CACNA1C: variants seen among roughly 807,000 people sequenced by gnomAD.
CACNA1C encodes the protein calcium voltage-gated channel subunit alpha1 C.
A neutral mutation model predicts 229.0 loss-of-function variants in CACNA1C; 30 were observed. That is an observed-to-expected ratio of 0.13 (90% CI 0.10 to 0.18). CACNA1C has a LOEUF of 0.18. CACNA1C is among the 10% of genes least tolerant of loss of function. The probability of loss-of-function intolerance (pLI) is 1.00; values close to 1 mark genes in which losing one functional copy is unlikely to be tolerated. For missense variants in CACNA1C, 1,658 were observed against 2,845.0 expected (o/e 0.58, Z 9.49); for synonymous variants, 1,114 against 1,132.5 (o/e 0.98, Z 0.33).
chr12:2,277,362 GACACACACACACACACACACAC>G (rs59258094), intron 3 of CACNA1C, among the ~76,000 whole-genome samples: 125 of 72,220 alleles, frequency 1.7e-3, no homozygotes, highest in South Asian at 4.1e-3. Flanking sequence ...CAGACAGACA[GACACACACACACACACACACAC>G]ACACACACAC....
chr12:2,309,526 T>G (rs1028812916), intron 3 of CACNA1C, among the ~76,000 whole-genome samples: 28 of 152,124 alleles, frequency 1.8e-4, no homozygotes, highest in African/African-American at 6.8e-4. Context: ...GAGGGAACTG[T>G]GTTATTCAGC....
chr12:2,424,931 C>T (rs138643767), intron 3 of CACNA1C, among the ~76,000 whole-genome samples: 2 of 152,342 alleles, frequency 1.3e-5, no homozygotes, highest in Non-Finnish European at 2.9e-5. Context: ...CCAACAGTAG[C>T]TCCTCTGCAC....
rs377431864 is a variant in CACNA1C, at chr12:2,566,437, G to A, written c.1524G>A (p.Arg508=). The change falls in exon 12 of 47, where the codon CGG becomes CGA. Residue 508 remains arginine (R), a synonymous_variant. Transcript: ENST00000399655. This position sits in a 1 kb window ranked among gnomAD's most constrained non-coding sequence, Gnocchi z 4.0. Reference sequence around the variant, plus strand: ...CCCTTTCCAGCCGCTACTGGCGCCGGTGGAATCGGTTCTGCAGAAGGAAGT... The same window carrying A: ...CCCTTTCCAGCCGCTACTGGCGCCGATGGAATCGGTTCTGCAGAAGGAAGT... ...SKSKFSRYWR[R]WNRFCRRKCR... 4.1e-5 allele frequency: 65 copies of A among 1,594,784 alleles called. No individual in the cohort carries two copies. Among genetic ancestry groups the A allele is most frequent in the East Asian group, 2.3e-4 (10 of 43,972 alleles).
intron 29 of CACNA1C, among the ~76,000 whole-genome samples, chr12:2,624,299 C>T (rs928420634): frequency 1.3e-4 from 20 of 152,152 alleles, no homozygotes; most frequent in African/African-American, 2.7e-4. Flanking sequence ...AGTCCCACAA[C>T]GTGTGAGAGG....
intron 1 of CACNA1C, among the ~76,000 whole-genome samples, chr12:2,031,189 C>G (rs930795459): frequency 6.6e-6 from 1 of 152,182 alleles, no homozygotes; most frequent in Non-Finnish European, 1.5e-5. Flanking sequence ...GCCTACCAGG[C>G]AGACCCTCTC....
At chr12:2,517,272 G>C (rs545197146) in intron 9 of CACNA1C, among the ~76,000 whole-genome samples, 1 of 152,350 alleles carries the variant, frequency 6.6e-6, no homozygotes, top group South Asian at 2.1e-4. Context: ...CTTTGGCATG[G>C]CCCAGCTTCC....
intron 3 of CACNA1C, among the ~76,000 whole-genome samples, chr12:2,351,027 C>T (rs1373123085): frequency 6.6e-6 from 1 of 152,270 alleles, no homozygotes; most frequent in Non-Finnish European, 1.5e-5. Flanking sequence ...GCCCTCTGGT[C>T]TGTTCCCTCG....
intron 19 of CACNA1C, among the ~76,000 whole-genome samples, chr12:2,594,360 T>C (rs910685245): frequency 6.6e-6 from 1 of 152,252 alleles, no homozygotes; most frequent in African/African-American, 2.4e-5. Flanking sequence ...CCTCCCTGTT[T>C]CTTAGAGGGT....
intron 37 of CACNA1C, among the ~76,000 whole-genome samples, chr12:2,667,020 G>C (rs1314801254): frequency 6.6e-6 from 1 of 152,192 alleles, no homozygotes; most frequent in Non-Finnish European, 1.5e-5. Context: ...CCATCCCACT[G>C]CACCATCCGG....
intron 3 of CACNA1C, among the ~76,000 whole-genome samples, chr12:2,355,631 A>T (rs537775832): frequency 6.6e-6 from 1 of 152,270 alleles, no homozygotes; most frequent in South Asian, 2.1e-4. Context: ...GGCCCACCTG[A>T]CACTTGGTTT....
chr12:2,595,981 A>G lies in CACNA1C; in HGVS notation c.2771A>G (p.Gln924Arg). ...TCCCTGGCTGCTGAGGACCCGGTCC[A>G]GCACACCTCCTTCAGGAACCATGTA... is the stretch of plus-strand genomic sequence containing the variant. ...SISLAAEDPVQHTSFRNHILF... is the reference protein window; with the variant it reads ...SISLAAEDPVRHTSFRNHILF... Residue 924 changes from glutamine (Q) to arginine (R), a missense_variant, in exon 20 of 47, where the codon CAG becomes CGG. Gln to Arg is a conservative substitution (Grantham distance 43, BLOSUM62 1). Coordinates refer to ENST00000399655, the MANE Select transcript of CACNA1C (RefSeq NM_000719.7). The surrounding 1 kb of genome is among the most constrained non-coding windows in gnomAD (Gnocchi z 4.1). 2 of 1,613,506 alleles carry G rather than the reference A, an allele frequency of 1.2e-6. No individual in the cohort carries two copies. Among genetic ancestry groups the G allele is most frequent in the Non-Finnish European group, 1.7e-6 (2 of 1,179,704 alleles).
Position 2,679,742 on chromosome 12 carries a change from C to T in CACNA1C, c.5390C>T (p.Pro1797Leu), listed in dbSNP as rs1393532762. The change falls in exon 42 of 47, where the codon CCC becomes CTC. Residue 1797 changes from proline (P) to leucine (L), a missense_variant. Coordinates refer to ENST00000399655, the MANE Select transcript of CACNA1C (RefSeq NM_000719.7). The surrounding 1 kb of genome is among the most constrained non-coding windows in gnomAD (Gnocchi z 5.5). ...AGCACTGTGGAGGGCCACGGGCCCC[C>T]CTTGTCCCCTGCCATCCGGGTGCAG... ...TVSTVEGHGPPLSPAIRVQEV... is the reference protein window; with the variant it reads ...TVSTVEGHGPLLSPAIRVQEV... 3.9e-5 allele frequency: 62 copies of T among 1,600,342 alleles called. No individual in the cohort carries two copies. The highest frequency in any genetic ancestry group is 5.2e-5 in the Non-Finnish European group (61 of 1,173,134).
intron 3 of CACNA1C, among the ~76,000 whole-genome samples, chr12:2,277,332 TAGACAGACAGACAGAC>T (rs1282160208): frequency 3.4e-5 from 4 of 116,988 alleles, no homozygotes; most frequent in African/African-American, 1.0e-4. Context: ...CTCCTTCTAG[TAGACAGACAGACAGAC>T]AGACAGACAG....
In CACNA1C at chr12:2,105,360, C is replaced by T. The variant is rs190698227; in HGVS notation, c.50-9864C>T. Among the ~76,000 whole-genome samples the T allele has an allele frequency of 2.5e-3, 387 of 152,300 alleles. 4 individuals are homozygous for T. The highest frequency in any genetic ancestry group is 8.9e-3 in the African/African-American group (371 of 41,542). On this transcript the variant is annotated intron_variant, in intron 1 of 46. Transcript: ENST00000399655. ...AGAGCCGCAGATCTCCTGGCGCCCT[C>T]ACGGTCTCCTTGTTTTGGAGCACAT...
intron 3 of CACNA1C, among the ~76,000 whole-genome samples, chr12:2,446,199 GTGGATGGATGGATGGATGGA>G (rs1173010543): frequency 1.5e-5 from 2 of 136,908 alleles, no homozygotes; most frequent in Admixed American, 7.2e-5. Context: ...AGGTGGGTGG[GTGGATGGATGGATGGATGGA>G]TGGATGGATG....
chr12:2,135,679 C>G (rs547390603), intron 3 of CACNA1C, among the ~76,000 whole-genome samples: 2 of 143,370 alleles, frequency 1.4e-5, no homozygotes, highest in African/African-American at 5.6e-5. Context: ...GATCTCCAGC[C>G]GCGTGCTGGG....
chr12:2,191,337 G>A (rs1243016058), intron 3 of CACNA1C, among the ~76,000 whole-genome samples: 1 of 152,090 alleles, frequency 6.6e-6, no homozygotes, highest in Non-Finnish European at 1.5e-5. Context: ...AGGTGTCCCA[G>A]GTGTCTGTCT....
At chr12:2,052,952 G>A (rs1248242754), upstream of CACNA1C, 13 of 976,276 alleles carry the variant, frequency 1.3e-5, no homozygotes, top group African/African-American at 1.8e-5. Flanking sequence ...GGGCTGGGCC[G>A]GGGGGAGTGA....
intron 3 of CACNA1C, among the ~76,000 whole-genome samples, chr12:2,352,786 G>T (rs1489743065): frequency 2.0e-5 from 3 of 152,144 alleles, no homozygotes; most frequent in Admixed American, 1.3e-4. Flanking sequence ...ATGAGTTCAG[G>T]ACTAACCCTG....
Sources: gnomAD v4.1 joint callset for allele counts (sites outside exome capture counted in the v4.1 genomes callset) on GRCh38, gnomAD v4.1.1 for gene constraint, Gnocchi (gnomAD v3.1) non-coding constraint, MANE v1.5 for transcripts, NCBI Gene and HGNC (gene_info 2026-07-23, HGNC 2026-07-21) for gene names.